ABCA12: variants seen among roughly 807,000 people sequenced by gnomAD.
ABCA12 encodes the protein glucosylceramide transporter ABCA12.
Under a neutral mutation model 293.5 loss-of-function variants are expected in ABCA12, and 156 were observed. The ratio of observed to expected loss-of-function variants is 0.53; its 90% confidence interval spans 0.47 to 0.61. The LOEUF (loss-of-function observed/expected upper bound fraction) is 0.61, where lower values mean the gene tolerates loss of function less well. ABCA12 is among the 20% of genes least tolerant of loss of function. The pLI is 0.00. For missense variants in ABCA12, 2,797 were observed against 3,090.2 expected (o/e 0.91, Z 2.25); for synonymous variants, 1,063 against 1,108.0 (o/e 0.96, Z 0.81).
intron 14 of ABCA12, among the ~76,000 whole-genome samples, chr2:215,016,822 A>G (rs1700516190): frequency 1.3e-5 from 2 of 152,072 alleles, no homozygotes; most frequent in South Asian, 4.1e-4. Flanking sequence ...TACGCAAAAT[A>G]AGATGTCATC....
At chr2:215,074,813 G>C (rs1162805827) in intron 2 of ABCA12, among the ~76,000 whole-genome samples, 1 of 151,834 alleles carries the variant, frequency 6.6e-6, no homozygotes, top group African/African-American at 2.4e-5. Flanking sequence ...GTGGTGGTGC[G>C]TGCCTGTAGT....
chr2:215,006,944 C>G (rs1229992057), intron 19 of ABCA12, among the ~76,000 whole-genome samples: 3 of 140,044 alleles, frequency 2.1e-5, no homozygotes, highest in African/African-American at 7.9e-5. Flanking sequence ...GGCGCAATCT[C>G]AGCTCACTGC....
At chr2:215,118,631 A>C (rs913897432) in intron 1 of ABCA12, among the ~76,000 whole-genome samples, 2 of 152,128 alleles carry the variant, frequency 1.3e-5, no homozygotes, top group Non-Finnish European at 2.9e-5. Flanking sequence ...ATTTATACAT[A>C]AATACAAAAA....
At chr2:215,009,842 G>T in intron 18 of ABCA12, among the ~76,000 whole-genome samples, 1 of 152,132 alleles carries the variant, frequency 6.6e-6, no homozygotes. Context: ...TAAATGGTAA[G>T]TATAGTTAAT....
chr2:215,127,051 C>T (rs1026551197), intron 1 of ABCA12, among the ~76,000 whole-genome samples: 1 of 152,104 alleles, frequency 6.6e-6, no homozygotes, highest in African/African-American at 2.4e-5. Flanking sequence ...GTTTTTGACC[C>T]AATGTTCATT....
intron 37 of ABCA12, among the ~76,000 whole-genome samples, chr2:214,969,476 T>G (rs1303423477): frequency 1.3e-5 from 2 of 152,100 alleles, no homozygotes; most frequent in East Asian, 1.9e-4. Context: ...CTAAATGTAG[T>G]GCTATAGAGC....
At chr2:214,936,117 T>C (rs1647213842) in intron 51 of ABCA12, among the ~76,000 whole-genome samples, 2 of 152,196 alleles carry the variant, frequency 1.3e-5, no homozygotes, top group South Asian at 4.1e-4. Flanking sequence ...AACTATTAAA[T>C]GGAAAAATAC....
At chr2:215,101,198 C>T (rs751396774) in intron 2 of ABCA12, among the ~76,000 whole-genome samples, 47 of 152,270 alleles carry the variant, frequency 3.1e-4, no homozygotes, top group Non-Finnish European at 5.4e-4. Flanking sequence ...AAGTTCTTCT[C>T]CGTGATTATT....
intron 8 of ABCA12, chr2:215,032,401 C>T: frequency 5.4e-6 from 1 of 186,440 alleles, no homozygotes; most frequent in South Asian, 1.1e-4. Context: ...TTGAATGCAG[C>T]TGTGAATGCA....
intron 16 of ABCA12, 128 bp downstream of exon 16, chr2:215,011,843 G>A (rs1055711690): frequency 3.2e-5 from 38 of 1,198,100 alleles, no homozygotes; most frequent in Middle Eastern, 2.0e-4. Context: ...TTGCTAGGTA[G>A]AAGAGTTTTC....
chr2:214,995,073 A>AT (rs1480503512), intron 23 of ABCA12, among the ~76,000 whole-genome samples: 1 of 152,210 alleles, frequency 6.6e-6, no homozygotes, highest in Non-Finnish European at 1.5e-5. Context: ...ATCGAAAGGC[A>AT]TTTTTTAAGT....
At chr2:215,029,759 G>A (rs533254032) in intron 9 of ABCA12, among the ~76,000 whole-genome samples, 1 of 152,292 alleles carries the variant, frequency 6.6e-6, no homozygotes, top group South Asian at 2.1e-4. Flanking sequence ...CAACACTGGA[G>A]TAATCCTTTA....
chr2:215,100,329 C>A (rs369259748), intron 2 of ABCA12, among the ~76,000 whole-genome samples: 4 of 152,276 alleles, frequency 2.6e-5, no homozygotes, highest in African/African-American at 9.6e-5. Context: ...CTCGATCATG[C>A]CCCTTCTGCC....
intron 49 of ABCA12, among the ~76,000 whole-genome samples, chr2:214,944,441 A>AT (rs199497819): frequency 5.3e-5 from 8 of 151,380 alleles, no homozygotes; most frequent in South Asian, 4.2e-4. Context: ...TAAAAAAAAA[A>AT]TTTCAAATAG....
At chr2:215,060,638 A>G (rs562555609) in intron 3 of ABCA12, among the ~76,000 whole-genome samples, 9 of 152,064 alleles carry the variant, frequency 5.9e-5, no homozygotes, top group Non-Finnish European at 1.0e-4. Context: ...ATGGTTATAA[A>G]TTAATCTAAA....
intron 14 of ABCA12, among the ~76,000 whole-genome samples, chr2:215,016,397 C>A: frequency 6.6e-6 from 1 of 150,714 alleles, no homozygotes; most frequent in Non-Finnish European, 1.5e-5. Context: ...TCCTGGCTAA[C>A]ACGGTGAAAC....
At chr2:215,114,724 T>C (rs1449517207) in intron 1 of ABCA12, among the ~76,000 whole-genome samples, 3 of 152,228 alleles carry the variant, frequency 2.0e-5, no homozygotes, top group East Asian at 1.9e-4. Context: ...AGATCCTGAA[T>C]ACAAGGTATC....
intron 2 of ABCA12, among the ~76,000 whole-genome samples, chr2:215,071,638 A>C (rs1216895147): frequency 1.3e-5 from 2 of 152,204 alleles, no homozygotes; most frequent in Non-Finnish European, 2.9e-5. Flanking sequence ...CAAATTGAAG[A>C]TAATGGATTT....
chr2:214,937,406 C>A, intron 51 of ABCA12, 104 bp downstream of exon 51: 1 of 829,654 alleles, frequency 1.2e-6, no homozygotes, highest in Admixed American at 1.9e-5. Flanking sequence ...ACCATGTTGG[C>A]CAGGCTGGTC....
Sources: allele counts gnomAD v4.1 joint callset (sites outside exome capture counted in the v4.1 genomes callset), GRCh38; gene constraint gnomAD v4.1.1; transcripts MANE v1.5; gene names NCBI Gene and HGNC (gene_info 2026-07-23, HGNC 2026-07-21).